RFX4: variants seen among roughly 807,000 people sequenced by gnomAD.
RFX4 encodes the protein regulatory factor X4.
In RFX4, 10 loss-of-function variants were observed where a neutral mutation model predicts 95.0. That is an observed-to-expected ratio of 0.11 (90% CI 0.06 to 0.18). The LOEUF (loss-of-function observed/expected upper bound fraction) is 0.18, where lower values mean the gene tolerates loss of function less well. Among genes scored for constraint, RFX4 ranks in the 10% least tolerant of loss-of-function variants. RFX4 has a pLI of 1.00. For synonymous variants in RFX4, 321 were observed against 340.7 expected (o/e 0.94, Z 0.64); for missense variants, 640 against 922.0 (o/e 0.69, Z 3.96).
intron 13 of RFX4, among the ~76,000 whole-genome samples, chr12:106,723,961 C>T (rs996341659): frequency 6.6e-6 from 1 of 152,120 alleles, no homozygotes; most frequent in Non-Finnish European, 1.5e-5. Flanking sequence ...TGCTACACTG[C>T]CACCACCTCA....
At chr12:106,587,633 C>T (rs2039479943) in intron 1 of RFX4, among the ~76,000 whole-genome samples, 1 of 152,054 alleles carries the variant, frequency 6.6e-6, no homozygotes, top group South Asian at 2.1e-4. Flanking sequence ...TTCCAGCCTC[C>T]CCCCTCACCC....
At chr12:106,603,499 T>G (rs1325118543) in intron 1 of RFX4, among the ~76,000 whole-genome samples, 1 of 152,232 alleles carries the variant, frequency 6.6e-6, no homozygotes, top group Non-Finnish European at 1.5e-5. Flanking sequence ...ATCTGCCTCC[T>G]CCTTTCTGCC....
intron 7 of RFX4, among the ~76,000 whole-genome samples, chr12:106,695,644 C>T (rs930246749): frequency 6.6e-6 from 1 of 152,150 alleles, no homozygotes; most frequent in Non-Finnish European, 1.5e-5. Context: ...ACTTCATGTG[C>T]CCACATAGCT....
chr12:106,704,946 G>A (rs1253489197), intron 8 of RFX4, among the ~76,000 whole-genome samples: 1 of 152,130 alleles, frequency 6.6e-6, no homozygotes, highest in Non-Finnish European at 1.5e-5. Context: ...AGACAGAAAG[G>A]CAGAGGGCAC....
At chr12:106,609,897 A>G (rs1248981728) in intron 2 of RFX4, among the ~76,000 whole-genome samples, 1 of 152,142 alleles carries the variant, frequency 6.6e-6, no homozygotes, top group Non-Finnish European at 1.5e-5. Context: ...GCCTGCTTTT[A>G]AAACTTCATG....
At chr12:106,670,431 T>A (rs1040781442) in intron 4 of RFX4, among the ~76,000 whole-genome samples, 1 of 152,174 alleles carries the variant, frequency 6.6e-6, no homozygotes, top group Non-Finnish European at 1.5e-5. Context: ...ACATATGGAT[T>A]TTTGGCATTC....
chr12:106,709,643 C>A (rs983079511), intron 9 of RFX4, among the ~76,000 whole-genome samples: 1 of 144,430 alleles, frequency 6.9e-6, no homozygotes, highest in African/African-American at 2.5e-5. Flanking sequence ...GAAGAGGAAT[C>A]AACTTAGAGA....
intron 15 of RFX4, among the ~76,000 whole-genome samples, chr12:106,737,322 G>A (rs1055326821): frequency 1.4e-4 from 21 of 151,268 alleles, no homozygotes; most frequent in African/African-American, 4.9e-4. Flanking sequence ...AAACACTTTC[G>A]GATAGGTGGT....
chr12:106,595,842 G>A (rs1422344933), intron 1 of RFX4, among the ~76,000 whole-genome samples: 1 of 152,134 alleles, frequency 6.6e-6, no homozygotes, highest in Non-Finnish European at 1.5e-5. Context: ...GCCATGGGCT[G>A]GATATATGAA....
chr12:106,604,115 C>CT (rs1163891542), intron 1 of RFX4, among the ~76,000 whole-genome samples: 3,972 of 112,754 alleles, frequency 0.035, 185 homozygotes, highest in African/African-American at 0.076. Context: ...GCTTCTCTCT[C>CT]TTTTTTTTTT....
intron 1 of RFX4, among the ~76,000 whole-genome samples, chr12:106,590,887 T>C (rs1163223159): frequency 6.6e-6 from 1 of 151,918 alleles, no homozygotes; most frequent in African/African-American, 2.4e-5. Flanking sequence ...TTCAAGGCTG[T>C]ACTGAGCTCT....
intron 1 of RFX4, among the ~76,000 whole-genome samples, chr12:106,603,622 G>A (rs2039759916): frequency 6.6e-6 from 1 of 152,178 alleles, no homozygotes; most frequent in Admixed American, 6.5e-5. Flanking sequence ...TTACTAACAG[G>A]TCAGATGATT....
At chr12:106,717,574 C>G (rs2042318929) in intron 11 of RFX4, among the ~76,000 whole-genome samples, 1 of 152,198 alleles carries the variant, frequency 6.6e-6, no homozygotes, top group African/African-American at 2.4e-5. Context: ...TCAGTTCAAC[C>G]CAGCTAGTCC....
rs1325885924 is a variant in RFX4 at position 106,744,156 on chromosome 12, C to T, written c.1634-3281C>T. On this transcript the variant is annotated intron_variant, in intron 15 of 17. Transcript: ENST00000392842. ...TAGAGGAGGGCAATTATGCATAATC[C>T]AGTCATCTGAGTTGTGATCATTTTG... is the stretch of plus-strand genomic sequence containing the variant. 3.3e-5 allele frequency among the ~76,000 whole-genome samples: 5 copies of T among 152,064 alleles called. No individual in the cohort carries two copies. The East Asian group carries it at 7.7e-4, about 23-fold the overall frequency.
At chr12:106,733,126 TG>T in intron 15 of RFX4, 41 bp downstream of exon 15, 1 of 1,603,920 alleles carries the variant, frequency 6.2e-7, no homozygotes, top group Non-Finnish European at 8.5e-7. Context: ...AGTTAATGTT[TG>T]AAGAAAGGGC....
chr12:106,729,340 A>G (rs2042565670), intron 13 of RFX4, among the ~76,000 whole-genome samples: 2 of 152,336 alleles, frequency 1.3e-5, no homozygotes, highest in Non-Finnish European at 1.5e-5. Context: ...TGAACAAAAC[A>G]ATCATGTCAT....
At position 106,586,005 on chromosome 12, in the gene RFX4, TACTC is replaced by T. The variant is rs2039450719; in HGVS notation, c.43+2644_43+2647del. The T allele has an allele frequency of 6.6e-6, 1 of 152,166 alleles. No individual in the cohort carries two copies. The highest frequency in any genetic ancestry group is 2.4e-5 in the African/African-American group (1 of 41,448). The allele number at this position is 152,166 out of a possible 1,614,324, so 9.4% of individuals were successfully genotyped here. A position where few individuals can be genotyped will look rare whatever the true frequency, so the allele number is the denominator to read the frequency against. On this transcript the variant is annotated intron_variant, in intron 1 of 17. Transcript: ENST00000392842. This position sits in a 1 kb window ranked among gnomAD's most constrained non-coding sequence, Gnocchi z 5.6. Reference sequence around the variant, plus strand: ...ATATATTCCTCGGGTTTCCCCAAAATACTCAACAAGTGTGGAGCTAAGACAATGG... The same window carrying T: ...ATATATTCCTCGGGTTTCCCCAAAATAACAAGTGTGGAGCTAAGACAATGG...
intron 1 of RFX4, among the ~76,000 whole-genome samples, chr12:106,608,112 C>T (rs2039876304): frequency 6.6e-6 from 1 of 152,112 alleles, no homozygotes; most frequent in East Asian, 1.9e-4. Flanking sequence ...TTGCTTGAGC[C>T]CGGGAGGCGG....
chr12:106,650,403 G>A (rs1188590801), intron 3 of RFX4, among the ~76,000 whole-genome samples: 3 of 152,182 alleles, frequency 2.0e-5, no homozygotes, highest in African/African-American at 7.2e-5. Flanking sequence ...AAGTGTTGAA[G>A]TCAAATCTCT....
Sources: allele counts gnomAD v4.1 joint callset (sites outside exome capture counted in the v4.1 genomes callset), GRCh38; gene constraint gnomAD v4.1.1; non-coding constraint Gnocchi (gnomAD v3.1); transcripts MANE v1.5; gene names NCBI Gene and HGNC (gene_info 2026-07-23, HGNC 2026-07-21).